GOLGA1: variants seen among roughly 807,000 people sequenced by gnomAD.
GOLGA1 encodes golgin A1.
Under a neutral mutation model 119.7 loss-of-function variants are expected in GOLGA1, and 63 were observed. That is an observed-to-expected ratio of 0.53 (90% CI 0.43 to 0.65). GOLGA1 has a LOEUF of 0.65. Among genes scored for constraint, GOLGA1 ranks in the 30% least tolerant of loss-of-function variants. The pLI is 0.00. For synonymous variants in GOLGA1, 318 were observed against 333.4 expected, an observed-to-expected ratio of 0.95 and a Z score of 0.50; for missense variants, 798 against 912.8, an observed-to-expected ratio of 0.87 and a Z score of 1.62.
Position 124,928,199 on chromosome 9 carries a change from T to C in GOLGA1, c.388A>G (p.Arg130Gly). 1 of 1,553,344 alleles carries C rather than the reference T, an allele frequency of 6.4e-7. No homozygotes were observed. Among genetic ancestry groups the C allele is most frequent in the Non-Finnish European group, 8.9e-7 (1 of 1,126,546 alleles). ...MAEGLALALA[R>G]KDQEWSEKMD... is the part of the protein sequence containing the mutation. Reference sequence around the variant, plus strand: ...CACATATAAAATACCTGGTCCTTTCTGGCTAATGCCAAAGCCAGTCCTTCT... The same window carrying C: ...CACATATAAAATACCTGGTCCTTTCCGGCTAATGCCAAAGCCAGTCCTTCT... The change falls in exon 6 of 23, where the codon AGA becomes GGA. Residue 130 changes from arginine to glycine, a missense_variant. By Grantham distance (125) the Arg-to-Gly change is moderately radical. Coordinates refer to ENST00000373555, the MANE Select transcript of GOLGA1 (RefSeq NM_002077.4).
chr9:124,904,275 G>A (rs575894366), intron 12 of GOLGA1, among the ~76,000 whole-genome samples: 2 of 152,202 alleles, frequency 1.3e-5, no homozygotes, highest in African/African-American at 2.4e-5. Context: ...TCCCAGACTG[G>A]GGTAGGAGGA....
At position 124,934,763 on chromosome 9, in the gene GOLGA1, T is replaced by C. The variant is rs534128853; in HGVS notation, c.136-3357A>G. ...AGATCTGCTTTTAGAAAGATCACTT[T>C]GGGCTGTGCACAGTGGCTAGCACCT... is the stretch of plus-strand genomic sequence containing the variant. On this transcript the variant is annotated intron_variant, in intron 3 of 22. Coordinates refer to ENST00000373555, the MANE Select transcript of GOLGA1 (RefSeq NM_002077.4). 2.0e-5 allele frequency among the ~76,000 whole-genome samples: 3 copies of C among 152,268 alleles called. No individual in the cohort carries two copies. In the South Asian group the frequency reaches 6.2e-4, roughly 32 times the overall value.
intron 3 of GOLGA1, among the ~76,000 whole-genome samples, chr9:124,936,620 A>C (rs564833816): frequency 4.6e-5 from 7 of 152,068 alleles, no homozygotes; most frequent in East Asian, 1.9e-4. Context: ...AAAAAAAAAA[A>C]AAAAAACTTT....
In GOLGA1 at chr9:124,929,283, A is replaced by G. The variant is rs372313397; in HGVS notation, c.234T>C (p.Ala78=). The part of the protein sequence containing the change: ...RKLEARLSDY[A]EQVRNLQKIK... ...TCTTCTGCAAGTTTCGGACCTGTTC[A>G]GCATAGTCTTGGGTGAGGAGGGTGA... The change falls in exon 5 of 23, where the codon GCT becomes GCC. Residue 78 remains alanine, a synonymous_variant. Coordinates refer to ENST00000373555, the MANE Select transcript of GOLGA1 (RefSeq NM_002077.4). 9 of 1,605,800 alleles carry G rather than the reference A, an allele frequency of 5.6e-6. No homozygotes were observed. The highest frequency in any genetic ancestry group is 6.8e-6 in the Non-Finnish European group (8 of 1,172,520).
rs191563800 is a variant in GOLGA1, at chr9:124,910,501, T to C, written c.969+1400A>G. 3.9e-3 allele frequency among the ~76,000 whole-genome samples: 601 copies of C among 152,366 alleles called. 4 individuals carry two copies. The highest frequency in any genetic ancestry group is 6.1e-3 in the Non-Finnish European group (414 of 68,024). On this transcript the variant is annotated intron_variant, in intron 11 of 22. Transcript: ENST00000373555. Reference sequence around the variant, plus strand: ...TTGAGACCCTACTCTGTTCCGGTTATCATTCTAAGCACTTCACATATTGTA... The same window carrying C: ...TTGAGACCCTACTCTGTTCCGGTTACCATTCTAAGCACTTCACATATTGTA...
At chr9:124,919,717 G>C (rs1406580229) in intron 10 of GOLGA1, among the ~76,000 whole-genome samples, 1 of 152,146 alleles carries the variant, frequency 6.6e-6, no homozygotes. Flanking sequence ...TCTGAAAGAT[G>C]AGGGTAGGGT....
Position 124,938,880 on chromosome 9 carries a change from GAA to G in GOLGA1, c.-155-16_-155-15del. On this transcript the variant is annotated splice_polypyrimidine_tract_variant and intron_variant, in intron 2 of 22. Coordinates refer to ENST00000373555, the MANE Select transcript of GOLGA1 (RefSeq NM_002077.4). ...GCAACACAGGATCTACAAATCAGAT[GAA>G]AGAGACAGTTCAAAAGTTAAACATT... is the stretch of plus-strand genomic sequence containing the variant. 2 of 499,742 alleles carry G rather than the reference GAA, an allele frequency of 4.0e-6. No individual in the cohort carries two copies. Among genetic ancestry groups the G allele is most frequent in the East Asian group, 6.5e-5 (2 of 30,684 alleles). 31.0% of individuals were successfully genotyped at this position (499,742 alleles called of 1,614,324 possible).
Position 124,878,558 on chromosome 9 carries a change from CTTAGAA to C in GOLGA1, c.*1966_*1971del, listed in dbSNP as rs1233281402. The C allele has an allele frequency of 5.2e-5, 8 of 152,650 alleles. No homozygotes were observed. Among genetic ancestry groups the C allele is most frequent in the Non-Finnish European group, 1.2e-4 (8 of 68,046 alleles). 9.5% of individuals were successfully genotyped at this position (152,650 alleles called of 1,614,324 possible). A position where few individuals can be genotyped will look rare whatever the true frequency, so the allele number is the denominator to read the frequency against. ...ATACAAGTCAAAGTGCATTAAATCACTTAGAATATTTATTCCACTCTTCCTCTTAAA... is the reference window on the plus strand; with the variant it reads ...ATACAAGTCAAAGTGCATTAAATCACTATTTATTCCACTCTTCCTCTTAAA... On this transcript the variant is annotated 3_prime_UTR_variant, in exon 23 of 23. Transcript: ENST00000373555.
chr9:124,930,173 C>T (rs1830747767), intron 4 of GOLGA1, among the ~76,000 whole-genome samples: 1 of 152,124 alleles, frequency 6.6e-6, no homozygotes, highest in African/African-American at 2.4e-5. Context: ...AGTGCTCTTC[C>T]CTGTCCCTTC....
At chr9:124,922,580 G>T (rs1470395436) in intron 8 of GOLGA1, among the ~76,000 whole-genome samples, 3 of 148,444 alleles carry the variant, frequency 2.0e-5, no homozygotes, top group Non-Finnish European at 3.0e-5. Context: ...AAGAAAGAAA[G>T]GAAAGAAAAA....
At chr9:124,924,602 A>C (rs1588090720) in intron 7 of GOLGA1, among the ~76,000 whole-genome samples, 2 of 140,694 alleles carry the variant, frequency 1.4e-5, no homozygotes, top group African/African-American at 5.4e-5. Context: ...ACTGCACTAC[A>C]CTCCAGCCTG....
intron 19 of GOLGA1, among the ~76,000 whole-genome samples, chr9:124,886,378 G>A (rs1219659704): frequency 6.6e-6 from 1 of 152,186 alleles, no homozygotes; most frequent in Non-Finnish European, 1.5e-5. Context: ...AGCTTCAGGA[G>A]GAGGAAGAGA....
At chr9:124,902,911 A>C (rs752876775) in intron 12 of GOLGA1, among the ~76,000 whole-genome samples, 1 of 152,204 alleles carries the variant, frequency 6.6e-6, no homozygotes, top group African/African-American at 2.4e-5. Flanking sequence ...TTACTAGCTC[A>C]TGACTGCAAA....
In GOLGA1 at chr9:124,889,307, G is replaced by A; in HGVS notation, c.1601-4C>T. ...TGCAGCAGGGCAGAGTTGTGACCTA[G>A]GTCGGGGAGGAGGGGAGGGGGCACT... On this transcript the variant is annotated splice_region_variant and splice_polypyrimidine_tract_variant and intron_variant, in intron 17 of 22. Transcript: ENST00000373555. 6.2e-7 allele frequency: 1 copy of A among 1,612,894 alleles called. No homozygotes were observed. The highest frequency in any genetic ancestry group is 8.5e-7 in the Non-Finnish European group (1 of 1,179,284).
chr9:124,931,541 T>C, intron 3 of GOLGA1, 135 bp from the exon 4 acceptor site: 1 of 604,598 alleles, frequency 1.7e-6, no homozygotes, highest in Non-Finnish European at 3.0e-6. Flanking sequence ...TGGGCCTAGT[T>C]TCTCTACCTG....
intron 19 of GOLGA1, among the ~76,000 whole-genome samples, chr9:124,887,190 G>A (rs747255688): frequency 6.6e-6 from 1 of 152,230 alleles, no homozygotes; most frequent in African/African-American, 2.4e-5. Flanking sequence ...TAAGGCCAGA[G>A]GCTCAAGGGA....
At chr9:124,947,448 GC>G (rs990778313) in intron 1 of GOLGA1, 40 of 152,066 alleles carry the variant, frequency 2.6e-4, no homozygotes, top group African/African-American at 9.6e-4. Context: ...CTCCAAATTA[GC>G]CCATTTTATC....
intron 7 of GOLGA1, 91 bp downstream of exon 7, chr9:124,926,618 A>G (rs1830677609): frequency 1.2e-6 from 1 of 819,962 alleles, no homozygotes; most frequent in African/African-American, 1.7e-5. Flanking sequence ...GAGGTGGTAT[A>G]GCAATCAGTA....
chr9:124,897,577 G>A lies in GOLGA1; in HGVS notation c.1407+972C>T, dbSNP rs191157521. Among the ~76,000 whole-genome samples, 4 of 152,236 alleles carry A rather than the reference G, an allele frequency of 2.6e-5. No homozygotes were observed. In the East Asian group the frequency reaches 7.7e-4, roughly 29 times the overall value. On this transcript the variant is annotated intron_variant, in intron 15 of 22. Transcript: ENST00000373555. The stretch of plus-strand genomic sequence containing the variant: ...GCTGGTCTCGAACTTCTGACCTCAG[G>A]TGATCCACCCACCCTGGCCTCTCAA...
Sources: allele counts gnomAD v4.1 joint callset (sites outside exome capture counted in the v4.1 genomes callset), GRCh38; gene constraint gnomAD v4.1.1; transcripts MANE v1.5; gene names NCBI Gene and HGNC (gene_info 2026-07-23, HGNC 2026-07-21).